SLTM: variants seen among roughly 807,000 people sequenced by gnomAD.
The protein encoded by SLTM is SAFB like transcription modulator, also known as SAFB-like transcription modulator.
SLTM carries 43 observed loss-of-function variants against 134.6 expected under a neutral mutation model. The ratio of observed to expected loss-of-function variants is 0.32; its 90% CI spans 0.25 to 0.41. The LOEUF (loss-of-function observed/expected upper bound fraction) is 0.41. Ranked by LOEUF, SLTM falls within the 10% of genes least tolerant of loss-of-function variation. SLTM has a pLI of 1.00. For synonymous variants in SLTM, 424 were observed against 432.3 expected, an observed-to-expected ratio of 0.98 and a Z score of 0.24; for missense variants, 1,055 against 1,288.8, an observed-to-expected ratio of 0.82 and a Z score of 2.78.
At chr15:58,920,124 T>C (rs7174530) in intron 2 of SLTM, among the ~76,000 whole-genome samples, 2,265 of 152,156 alleles carry the variant, frequency 0.015, 57 homozygotes, top group African/African-American at 0.051. Flanking sequence ...GAGAGCAGCC[T>C]GGCCAACTAG....
chr15:58,916,868 A>G, intron 3 of SLTM, 67 bp downstream of exon 3: 1 of 1,435,306 alleles, frequency 7.0e-7, no homozygotes, highest in Admixed American at 1.8e-5. Context: ...AACAAAAAGC[A>G]CAAAATTCAT....
At chr15:58,908,774 T>C (rs2036057646) in intron 5 of SLTM, among the ~76,000 whole-genome samples, 1 of 152,128 alleles carries the variant, frequency 6.6e-6, no homozygotes, top group African/African-American at 2.4e-5. Flanking sequence ...GGAAAGAACT[T>C]AAAACACAGT....
At chr15:58,901,322 T>A in intron 5 of SLTM, 35 bp from the exon 6 acceptor site, 1 of 1,558,246 alleles carries the variant, frequency 6.4e-7, no homozygotes, top group East Asian at 2.3e-5. Context: ...GTAAAATGAA[T>A]TCACATAAAA....
At chr15:58,886,549 A>G (rs934932202) in intron 19 of SLTM, among the ~76,000 whole-genome samples, 3 of 152,104 alleles carry the variant, frequency 2.0e-5, no homozygotes, top group African/African-American at 4.8e-5. Flanking sequence ...TTACCTCCCA[A>G]AGTGTTGGCA....
chr15:58,891,995 A>T (rs2034674928), intron 14 of SLTM, among the ~76,000 whole-genome samples: 1 of 152,184 alleles, frequency 6.6e-6, no homozygotes, highest in Non-Finnish European at 1.5e-5. Flanking sequence ...ACTTCATCTT[A>T]AAAAAGAGAA....
Position 58,879,901 on chromosome 15 carries a change from ACTCTC to A in SLTM, c.*93_*97del. On this transcript the variant is annotated 3_prime_UTR_variant, in exon 21 of 21. Transcript: ENST00000380516. Reference sequence around the variant, plus strand: ...TTTTTAAAAAGAAAAGTCTGACAGAACTCTCAAGCAAGTCAGAGGTCCTCTTCATA... The same window carrying A: ...TTTTTAAAAAGAAAAGTCTGACAGAAAAGCAAGTCAGAGGTCCTCTTCATA... The A allele has an allele frequency of 1.4e-6, 2 of 1,390,482 alleles. No individual in the cohort carries two copies. The highest frequency in any genetic ancestry group is 1.9e-6 in the Non-Finnish European group (2 of 1,043,458). 86.1% of individuals were successfully genotyped at this position (1,390,482 alleles called of 1,614,324 possible).
At chr15:58,924,051 G>A (rs1419865611) in intron 2 of SLTM, among the ~76,000 whole-genome samples, 1 of 152,244 alleles carries the variant, frequency 6.6e-6, no homozygotes, top group South Asian at 2.1e-4. Flanking sequence ...CTGGCCTCAA[G>A]TGATCCACCG....
At chr15:58,923,799 CTTTTTTTTTTT>C (rs34100406) in intron 2 of SLTM, among the ~76,000 whole-genome samples, 1 of 69,544 alleles carries the variant, frequency 1.4e-5, no homozygotes. Flanking sequence ...GAAGCCAAAC[CTTTTTTTTTTT>C]TTTTTTTTTT....
chr15:58,887,526 A>T lies in SLTM; in HGVS notation c.2390T>A (p.Val797Asp). Residue 797 changes from valine (V) to aspartate (D), a missense_variant, in exon 18 of 21, where the codon GTT becomes GAT. By Grantham distance (152) the Val-to-Asp change is radical. Transcript: ENST00000380516. ...SSSFERRDRF[V>D]GQSEGKKARP... The stretch of plus-strand genomic sequence containing the variant: ...TGCTTTTTTCCCCTCACTTTGACCA[A>T]CAAAGCGATCCCGCCTATTGATTAG... 6.2e-7 allele frequency: 1 copy of T among 1,611,540 alleles called. No homozygotes were observed. Among genetic ancestry groups the T allele is most frequent in the Non-Finnish European group, 8.5e-7 (1 of 1,178,898 alleles).
intron 5 of SLTM, among the ~76,000 whole-genome samples, chr15:58,912,179 A>G (rs980693372): frequency 2.7e-5 from 4 of 150,032 alleles, no homozygotes; most frequent in Non-Finnish European, 5.9e-5. Flanking sequence ...GGCTCACTGC[A>G]AGCTCCACCT....
At chr15:58,912,376 G>C (rs1340184494) in intron 5 of SLTM, among the ~76,000 whole-genome samples, 187 bp downstream of exon 5, 1 of 152,180 alleles carries the variant, frequency 6.6e-6, no homozygotes, top group Non-Finnish European at 1.5e-5. Context: ...TGGGATTACA[G>C]GCGTGAGCTA....
intron 3 of SLTM, 174 bp downstream of exon 3, chr15:58,916,761 T>G (rs1326376787): frequency 3.6e-5 from 18 of 504,268 alleles, no homozygotes; most frequent in Non-Finnish European, 6.3e-5. Flanking sequence ...TTACTATATT[T>G]CTCAATTATG....
intron 3 of SLTM, 41 bp from the exon 4 acceptor site, chr15:58,913,737 T>A (rs2036440160): frequency 1.3e-6 from 2 of 1,520,806 alleles, no homozygotes; most frequent in Non-Finnish European, 1.8e-6. Flanking sequence ...AGAGGCAAAG[T>A]AGTGTGGGCT....
intron 5 of SLTM, among the ~76,000 whole-genome samples, chr15:58,902,462 C>A (rs1407520324): frequency 6.6e-6 from 1 of 151,414 alleles, no homozygotes; most frequent in Non-Finnish European, 1.5e-5. Flanking sequence ...TCATAGCTCA[C>A]TGCAGCCTCA....
chr15:58,932,196 A>G (rs1461574378), intron 2 of SLTM, 160 bp downstream of exon 2: 1 of 604,138 alleles, frequency 1.7e-6, no homozygotes, highest in African/African-American at 1.8e-5. Flanking sequence ...AGTCACCCAA[A>G]GCCTGGCAAC....
chr15:58,932,928 A>G (rs2037982713), intron 1 of SLTM, among the ~76,000 whole-genome samples: 1 of 152,198 alleles, frequency 6.6e-6, no homozygotes. Flanking sequence ...CCCACCCATC[A>G]ACTCCCACTA....
intron 12 of SLTM, 133 bp from the exon 13 acceptor site, chr15:58,893,497 C>T: frequency 1.5e-6 from 1 of 661,174 alleles, no homozygotes; most frequent in Non-Finnish European, 2.5e-6. Context: ...TCTACAAGAA[C>T]TTCAATGCAA....
chr15:58,902,639 GCCTCAGCCTC>G lies in SLTM; in HGVS notation c.562-1362_562-1353del, dbSNP rs2035566581. 2.6e-5 allele frequency among the ~76,000 whole-genome samples: 4 copies of G among 151,798 alleles called. No individual in the cohort carries two copies. In the South Asian group the frequency reaches 6.2e-4, roughly 24 times the overall value. On this transcript the variant is annotated intron_variant, in intron 5 of 20. Coordinates refer to ENST00000380516, the MANE Select transcript of SLTM (RefSeq NM_024755.4). ...ACTCCCAGACTCAAGCGTTCCTCCT[GCCTCAGCCTC>G]CCAAAGTTCTAGGATTTACAGGTGT... is the stretch of plus-strand genomic sequence containing the variant.
intron 5 of SLTM, among the ~76,000 whole-genome samples, 160 bp from the exon 6 acceptor site, chr15:58,901,447 G>T (rs1194922435): frequency 2.6e-5 from 4 of 152,196 alleles, no homozygotes; most frequent in Non-Finnish European, 5.9e-5. Flanking sequence ...ATCAGAACCA[G>T]AGTCCATGTA....
Sources: allele counts gnomAD v4.1 joint callset (sites outside exome capture counted in the v4.1 genomes callset), GRCh38; gene constraint gnomAD v4.1.1; transcripts MANE v1.5; gene names NCBI Gene and HGNC (gene_info 2026-07-23, HGNC 2026-07-21).